The following LAMB4 variants were observed in gnomAD, a reference collection of about 807,000 sequenced individuals.
LAMB4 encodes laminin subunit beta 4, also known as laminin subunit beta-4.
LAMB4 carries 196 observed loss-of-function variants against 199.2 expected under a neutral mutation model. That is an observed-to-expected ratio of 0.98 (90% CI 0.88 to 1.11). The LOEUF is 1.11. Ranked by LOEUF, LAMB4 falls within the 50% of genes least tolerant of loss-of-function variation. The probability of loss-of-function intolerance (pLI) is 0.00; values close to 1 mark genes in which losing one functional copy is unlikely to be tolerated. For synonymous variants in LAMB4, 744 were observed against 770.6 expected (o/e 0.97, Z 0.57); for missense variants, 2,080 against 2,171.2 (o/e 0.96, Z 0.83).
rs183306668 is a variant in LAMB4, at chr7:108,032,450, A to C, written c.4819-1471T>G. 5.4e-3 allele frequency among the ~76,000 whole-genome samples: 822 copies of C among 152,088 alleles called. 8 individuals are homozygous for C. Among genetic ancestry groups the C allele is most frequent in the African/African-American group, 0.019 (784 of 41,520 alleles). On this transcript the variant is annotated intron_variant, in intron 31 of 33. Transcript: ENST00000388781. ...TTTGTTTCTTTACACGTCTGGGGGA[A>C]ATTCTTGATGGCTAGGTTTTAAGGT...
At chr7:108,087,085 A>C (rs956011225) in intron 14 of LAMB4, among the ~76,000 whole-genome samples, 2 of 152,166 alleles carry the variant, frequency 1.3e-5, no homozygotes, top group African/African-American at 4.8e-5. Flanking sequence ...GCAAGTCCCC[A>C]TGACTGGCAC....
chr7:108,059,846 T>C (rs1484198191), intron 23 of LAMB4, among the ~76,000 whole-genome samples: 1 of 152,218 alleles, frequency 6.6e-6, no homozygotes, highest in Non-Finnish European at 1.5e-5. Flanking sequence ...CCTGTTAACA[T>C]TTCATCTCCT....
At chr7:108,121,751 A>G (rs1303714608) in intron 2 of LAMB4, among the ~76,000 whole-genome samples, 1 of 102,602 alleles carries the variant, frequency 9.7e-6, no homozygotes, top group East Asian at 3.1e-4. Flanking sequence ...ACTCTGTCTT[A>G]AAAAAAAAAA....
At position 108,052,163 on chromosome 7, in the gene LAMB4, G is replaced by A. The variant is rs767956550; in HGVS notation, c.3850C>T (p.Leu1284Phe). 12 of 1,612,498 alleles carry A rather than the reference G, an allele frequency of 7.4e-6. No homozygotes were observed. Among genetic ancestry groups the A allele is most frequent in the Middle Eastern group, 3.3e-4 (2 of 6,080 alleles). The change falls in exon 26 of 34, where the codon CTC becomes TTC. Residue 1284 changes from leucine (L) to phenylalanine (F), a missense_variant. Leu to Phe is a conservative substitution (Grantham distance 22). Transcript: ENST00000388781. ...TCTTCCTGAAGGTCTTCAAGTAAGAGGTCTGCTTCATTCTTTGCTCTTTCT... is the reference window on the plus strand; with the variant it reads ...TCTTCCTGAAGGTCTTCAAGTAAGAAGTCTGCTTCATTCTTTGCTCTTTCT... Reference protein sequence around the residue: ...TIERAKNEADLLLEDLQEEID... With the variant: ...TIERAKNEADFLLEDLQEEID...
chr7:108,116,296 T>C, intron 2 of LAMB4, 135 bp from the exon 3 acceptor site: 1 of 829,314 alleles, frequency 1.2e-6, no homozygotes, highest in Non-Finnish European at 1.8e-6. Flanking sequence ...TTTAAGTTTA[T>C]TAATAGATGA....
At chr7:108,089,600 T>A (rs2037320296) in intron 14 of LAMB4, among the ~76,000 whole-genome samples, 1 of 152,210 alleles carries the variant, frequency 6.6e-6, no homozygotes, top group Non-Finnish European at 1.5e-5. Context: ...ATCTATACCA[T>A]CCTTAGCCTG....
intron 14 of LAMB4, among the ~76,000 whole-genome samples, chr7:108,085,574 A>G (rs1311135216): frequency 1.3e-5 from 2 of 152,120 alleles, no homozygotes; most frequent in South Asian, 4.1e-4. Flanking sequence ...TTCTGGTTTT[A>G]GAACACAAGC....
At chr7:108,074,860 T>A (rs542348163) in intron 17 of LAMB4, among the ~76,000 whole-genome samples, 3 of 152,176 alleles carry the variant, frequency 2.0e-5, no homozygotes, top group East Asian at 1.9e-4. Context: ...GGGTGATGAG[T>A]GGATAATTTG....
intron 10 of LAMB4, among the ~76,000 whole-genome samples, chr7:108,099,012 G>T (rs996030873): frequency 2.6e-5 from 4 of 152,142 alleles, no homozygotes; most frequent in Non-Finnish European, 5.9e-5. Context: ...TCTAAAAATA[G>T]ATTTTAAAAA....
intron 29 of LAMB4, among the ~76,000 whole-genome samples, chr7:108,038,628 C>A (rs1216579232): frequency 6.6e-6 from 1 of 152,198 alleles, no homozygotes; most frequent in Non-Finnish European, 1.5e-5. Context: ...AAATTTGTAA[C>A]CTTTCTTAAA....
intron 14 of LAMB4, among the ~76,000 whole-genome samples, chr7:108,091,381 G>C (rs547070378): frequency 1.2e-4 from 18 of 152,090 alleles, no homozygotes; most frequent in Non-Finnish European, 2.1e-4. Flanking sequence ...ATCATAATTT[G>C]ATCCGTTCAC....
intron 33 of LAMB4, among the ~76,000 whole-genome samples, chr7:108,028,125 C>A (rs1294162640): frequency 6.6e-6 from 1 of 152,084 alleles, no homozygotes; most frequent in Non-Finnish European, 1.5e-5. Context: ...TCAGAATGTC[C>A]ATTTAGATCA....
intron 11 of LAMB4, among the ~76,000 whole-genome samples, chr7:108,097,591 T>C (rs573818165): frequency 2.8e-4 from 42 of 152,106 alleles, no homozygotes; most frequent in Middle Eastern, 3.4e-3. Context: ...AGAGACCATC[T>C]TGGCTAACAC....
At chr7:108,115,846 C>A (rs2038385270) in intron 3 of LAMB4, among the ~76,000 whole-genome samples, 158 bp downstream of exon 3, 1 of 152,246 alleles carries the variant, frequency 6.6e-6, no homozygotes, top group South Asian at 2.1e-4. Context: ...GTCCCGGCAC[C>A]AACGCCCCGT....
intron 11 of LAMB4, among the ~76,000 whole-genome samples, chr7:108,096,471 TC>T (rs1183933885): frequency 6.6e-6 from 1 of 152,160 alleles, no homozygotes; most frequent in Non-Finnish European, 1.5e-5. Flanking sequence ...AATACAAATA[TC>T]CCTTCAAAGC....
At position 108,069,754 on chromosome 7, in the gene LAMB4, T is replaced by C. The variant is rs1213213030; in HGVS notation, c.2256A>G (p.Glu752=). 7 of 1,613,812 alleles carry C rather than the reference T, an allele frequency of 4.3e-6. No homozygotes were observed. The African/African-American group carries it at 6.7e-5, about 15-fold the overall frequency. The change falls in exon 18 of 34, where the codon GAA becomes GAG. Residue 752 remains glutamate, a synonymous_variant. Transcript: ENST00000388781. The part of the protein sequence containing the change: ...MGPQVLPGAC[E]RLIISMSAKL... ...TGGCAGACATGCTGATGATCAGCCT[T>C]TCACAGGCACCCGGGAGCACTTGAG...
At chr7:108,040,968 C>T (rs2035402249) in intron 29 of LAMB4, among the ~76,000 whole-genome samples, 1 of 152,114 alleles carries the variant, frequency 6.6e-6, no homozygotes, top group African/African-American at 2.4e-5. Context: ...GTAAACACAA[C>T]CTACAGAATG....
At chr7:108,124,219 G>A (rs1028096965) in intron 1 of LAMB4, among the ~76,000 whole-genome samples, 8 of 152,096 alleles carry the variant, frequency 5.3e-5, no homozygotes, top group African/African-American at 1.7e-4. Context: ...TCATTGTGTT[G>A]TAAGATGGAC....
chr7:108,020,470 CAAAA>C (rs57432162), downstream of LAMB4, among the ~76,000 whole-genome samples: 2 of 62,950 alleles, frequency 3.2e-5, no homozygotes, highest in Admixed American at 1.8e-4. Flanking sequence ...GACTCCATCT[CAAAA>C]AAAAAAAAAA....
Sources: allele counts gnomAD v4.1 joint callset (sites outside exome capture counted in the v4.1 genomes callset), GRCh38; gene constraint gnomAD v4.1.1; transcripts MANE v1.5; gene names NCBI Gene and HGNC (gene_info 2026-07-23, HGNC 2026-07-21).